Variants in TOLLIP observed in about 807,000 individuals in gnomAD.
TOLLIP encodes toll interacting protein.
TOLLIP carries 16 observed loss-of-function variants against 33.5 expected under a neutral mutation model. The ratio of observed to expected loss-of-function variants is 0.48; its 90% confidence interval spans 0.32 to 0.72. The LOEUF is 0.72. Ranked by LOEUF, TOLLIP falls within the 30% of genes least tolerant of loss-of-function variation. The pLI is 0.03. For synonymous variants in TOLLIP, 176 were observed against 163.7 expected, an observed-to-expected ratio of 1.07 and a Z score of -0.57; for missense variants, 325 against 396.6, an observed-to-expected ratio of 0.82 and a Z score of 1.53.
chr11:1,293,831 T>C (rs1479490792), intron 2 of TOLLIP, among the ~76,000 whole-genome samples: 1 of 152,206 alleles, frequency 6.6e-6, no homozygotes, highest in Admixed American at 6.5e-5. Context: ...GCTGGCCTGG[T>C]GGCAGCTGGC....
intron 4 of TOLLIP, among the ~76,000 whole-genome samples, 190 bp from the exon 5 acceptor site, chr11:1,286,282 C>T (rs1405391458): frequency 6.6e-6 from 1 of 152,226 alleles, no homozygotes; most frequent in Non-Finnish European, 1.5e-5. Flanking sequence ...CCCACCCCTG[C>T]ACCACCTCCT....
intron 1 of TOLLIP, among the ~76,000 whole-genome samples, chr11:1,296,199 C>A (rs1245786586): frequency 6.6e-6 from 1 of 152,238 alleles, no homozygotes; most frequent in African/African-American, 2.4e-5. Flanking sequence ...ACGAATGAGA[C>A]AAAAGCTGAG....
chr11:1,294,294 G>A (rs1278771885), intron 2 of TOLLIP, among the ~76,000 whole-genome samples: 16 of 79,610 alleles, frequency 2.0e-4, no homozygotes, highest in Middle Eastern at 0.01. Flanking sequence ...ACGAAAGCCC[G>A]CGTGGCTCAC....
intron 4 of TOLLIP, 80 bp from the exon 5 acceptor site, chr11:1,286,172 T>C (rs952585313): frequency 7.1e-6 from 8 of 1,119,986 alleles, no homozygotes; most frequent in East Asian, 5.2e-5. Context: ...CTCCCCACAA[T>C]TGCCCTCCCC....
At chr11:1,289,152 A>C (rs1564971455) in intron 3 of TOLLIP, among the ~76,000 whole-genome samples, 1 of 152,162 alleles carries the variant, frequency 6.6e-6, no homozygotes, top group East Asian at 1.9e-4. Context: ...CAAGCCCCAG[A>C]GCAGCCGGGG....
rs534619201 is a variant in TOLLIP at position 1,286,568 on chromosome 11, T to C, written c.520-476A>G. Among the ~76,000 whole-genome samples the C allele has an allele frequency of 5.3e-5, 8 of 152,266 alleles. No homozygotes were observed. In the South Asian group the frequency reaches 6.2e-4, roughly 12 times the overall value. ...AAACTGTCAACTGCGGATAAGTCAC[T>C]GCACCGCTGTCGTCTCTGAGTTTAG... On this transcript the variant is annotated intron_variant, in intron 4 of 5. Transcript: ENST00000317204.
chr11:1,283,349 G>C (rs1329900650), intron 5 of TOLLIP: 1 of 347,088 alleles, frequency 2.9e-6, no homozygotes, highest in African/African-American at 2.2e-5. Flanking sequence ...AGTGACCCCG[G>C]CCTGGATGCT....
intron 1 of TOLLIP, among the ~76,000 whole-genome samples, chr11:1,309,123 G>A (rs368708390): frequency 4.0e-5 from 6 of 151,754 alleles, no homozygotes; most frequent in African/African-American, 1.5e-4. Context: ...AGACCATTGG[G>A]GAGCGGGGCC....
intron 5 of TOLLIP, among the ~76,000 whole-genome samples, chr11:1,282,682 A>G (rs1863541726): frequency 6.6e-6 from 1 of 151,184 alleles, no homozygotes; most frequent in Non-Finnish European, 1.5e-5. Flanking sequence ...CTAATGTTAA[A>G]TGACGAGTCA....
chr11:1,290,552 G>T lies in TOLLIP; in HGVS notation c.184-143C>A. 2.9e-6 allele frequency: 2 copies of T among 694,784 alleles called. No individual in the cohort carries two copies. The highest frequency in any genetic ancestry group is 1.9e-5 in the South Asian group (1 of 53,060). The allele number at this position is 694,784 out of a possible 1,614,324, so 43.0% of individuals were successfully genotyped here. On this transcript the variant is annotated intron_variant, in intron 2 of 5. Transcript: ENST00000317204. This position sits in a 1 kb window ranked among gnomAD's most constrained non-coding sequence, Gnocchi z 4.9. Reference sequence around the variant, plus strand: ...AGCCACTCAGAGTCGCCTGAACACGGCTGTGACCTGCTTCCCAGGAGGCCA... The same window carrying T: ...AGCCACTCAGAGTCGCCTGAACACGTCTGTGACCTGCTTCCCAGGAGGCCA...
At position 1,288,130 on chromosome 11, in the gene TOLLIP, C is replaced by T. The variant is rs369154559; in HGVS notation, c.519+494G>A. ...ACGTGCTGGCCCCACAGCCAGGCCT[C>T]GACTTCCTGACCCTGAGCACAGCAG... On this transcript the variant is annotated intron_variant, in intron 4 of 5. Transcript: ENST00000317204. Among the ~76,000 whole-genome samples the T allele has an allele frequency of 2.0e-4, 31 of 152,270 alleles. No homozygotes were observed. In the East Asian group the frequency reaches 3.9e-3, roughly 19 times the overall value.
At chr11:1,301,000 TCAA>T (rs1169819300) in intron 1 of TOLLIP, among the ~76,000 whole-genome samples, 2 of 152,262 alleles carry the variant, frequency 1.3e-5, no homozygotes, top group Non-Finnish European at 2.9e-5. Flanking sequence ...CAAGCAAGGC[TCAA>T]CGAGTCTCAG....
chr11:1,300,605 G>A (rs1864240421), intron 1 of TOLLIP, among the ~76,000 whole-genome samples: 1 of 152,106 alleles, frequency 6.6e-6, no homozygotes, highest in Admixed American at 6.5e-5. Context: ...TGCTTCCTTG[G>A]GCCACACTTT....
At position 1,276,814 on chromosome 11, in the gene TOLLIP, C is replaced by G. The variant is rs1403799346; in HGVS notation, c.*225G>C. On this transcript the variant is annotated 3_prime_UTR_variant, in exon 6 of 6. Transcript: ENST00000317204. ...CAGGGACAGGAGAGCGCGCTGAGAC[C>G]TCCCAGCACGAGATGGGAGGGGAGC... is the stretch of plus-strand genomic sequence containing the variant. The G allele has an allele frequency of 2.0e-6, 3 of 1,528,672 alleles. No homozygotes were observed. Among genetic ancestry groups the G allele is most frequent in the Non-Finnish European group, 2.6e-6 (3 of 1,142,572 alleles). 94.7% of individuals were successfully genotyped at this position (1,528,672 alleles called of 1,614,324 possible).
chr11:1,288,714 C>T lies in TOLLIP; in HGVS notation c.429G>A (p.Arg143=). 6.2e-7 allele frequency: 1 copy of T among 1,613,014 alleles called. No individual in the cohort carries two copies. The highest frequency in any genetic ancestry group is 8.5e-7 in the Non-Finnish European group (1 of 1,179,896). ...ACCACTTGTCCTCCACCTTGCCCTG[C>T]CTCAGGGACTCCGGGATGGTGATGT... ...WTHITIPESL[R]QGKVEDKWYS... Residue 143 remains arginine (R), a synonymous_variant, in exon 4 of 6, where the codon AGG becomes AGA. Transcript: ENST00000317204.
chr11:1,283,753 T>C (rs954358602), intron 5 of TOLLIP, among the ~76,000 whole-genome samples: 9 of 152,214 alleles, frequency 5.9e-5, no homozygotes, highest in African/African-American at 2.2e-4. Flanking sequence ...TTCAGCCAGA[T>C]ACACCCTGGC....
Position 1,297,975 on chromosome 11 carries a change from G to A in TOLLIP, c.34-2181C>T, listed in dbSNP as rs182516011. Among the ~76,000 whole-genome samples, 3 of 152,330 alleles carry A rather than the reference G, an allele frequency of 2.0e-5. No individual in the cohort carries two copies. In the East Asian group the frequency reaches 5.8e-4, roughly 29 times the overall value. ...CTCCCAGAAGGATTCACAGCCCAGAGCTCTCTCCCCGGGGGACACCTGGCC... is the reference window on the plus strand; with the variant it reads ...CTCCCAGAAGGATTCACAGCCCAGAACTCTCTCCCCGGGGGACACCTGGCC... On this transcript the variant is annotated intron_variant, in intron 1 of 5. Coordinates refer to ENST00000317204, the MANE Select transcript of TOLLIP (RefSeq NM_019009.4).
chr11:1,283,034 G>A (rs767773440), intron 5 of TOLLIP, among the ~76,000 whole-genome samples: 10 of 152,214 alleles, frequency 6.6e-5, no homozygotes, highest in African/African-American at 1.4e-4. Context: ...GGATCTTCAC[G>A]TGGTCCTGGG....
At position 1,276,643 on chromosome 11, in the gene TOLLIP, C is replaced by G; in HGVS notation, c.*396G>C. On this transcript the variant is annotated 3_prime_UTR_variant, in exon 6 of 6. Coordinates refer to ENST00000317204, the MANE Select transcript of TOLLIP (RefSeq NM_019009.4). ...AGGGATTGTGTGTGCCTTAAATCAACAGCTCTATTCCAATTACATCACATC... is the reference window on the plus strand; with the variant it reads ...AGGGATTGTGTGTGCCTTAAATCAAGAGCTCTATTCCAATTACATCACATC... 10 of 1,308,288 alleles carry G rather than the reference C, an allele frequency of 7.6e-6. No homozygotes were observed. Among genetic ancestry groups the G allele is most frequent in the Non-Finnish European group, 1.0e-5 (10 of 1,000,364 alleles). The allele number at this position is 1,308,288 out of a possible 1,614,324, so 81.0% of individuals were successfully genotyped here. A position where few individuals can be genotyped will look rare whatever the true frequency, so the allele number is the denominator to read the frequency against.
Sources: allele counts gnomAD v4.1 joint callset (sites outside exome capture counted in the v4.1 genomes callset), GRCh38; gene constraint gnomAD v4.1.1; non-coding constraint Gnocchi (gnomAD v3.1); transcripts MANE v1.5; gene names NCBI Gene and HGNC (gene_info 2026-07-23, HGNC 2026-07-21).